Variants in DCST2 observed in about 807,000 individuals in gnomAD.
DCST2 encodes the protein DC-STAMP domain-containing protein 2.
DCST2 carries 64 observed loss-of-function variants against 81.8 expected under a neutral mutation model. That is an observed-to-expected ratio of 0.78 (90% CI 0.64 to 0.96). DCST2 has a LOEUF of 0.96. Ranked by LOEUF, DCST2 falls within the 40% of genes least tolerant of loss-of-function variation. The pLI is 0.00. For missense variants in DCST2, 945 were observed against 1,001.4 expected, an observed-to-expected ratio of 0.94 and a Z score of 0.76; for synonymous variants, 354 against 402.6, an observed-to-expected ratio of 0.88 and a Z score of 1.44.
At chr1:155,019,851 A>G (rs910862724) in intron 14 of DCST2, among the ~76,000 whole-genome samples, 5 of 152,220 alleles carry the variant, frequency 3.3e-5, no homozygotes, top group Non-Finnish European at 7.3e-5. Flanking sequence ...GCTACCTGGA[A>G]ATCCCTTAAC....
intron 14 of DCST2, 84 bp downstream of exon 14, chr1:155,023,033 G>C: frequency 7.2e-6 from 11 of 1,531,762 alleles, no homozygotes; most frequent in Non-Finnish European, 9.6e-6. Context: ...CAAAGGTCCA[G>C]ACACCCAGGA....
Position 155,029,416 on chromosome 1 carries a change from G to C in DCST2, c.1178-19C>G. The C allele has an allele frequency of 6.2e-7, 1 of 1,611,130 alleles. No individual in the cohort carries two copies. The highest frequency in any genetic ancestry group is 8.5e-7 in the Non-Finnish European group (1 of 1,178,288). On this transcript the variant is annotated intron_variant, in intron 7 of 14. Coordinates refer to ENST00000368424, the MANE Select transcript of DCST2 (RefSeq NM_144622.3). ...ATGGAGCCTGAGCAGGAGTGGGATG[G>C]TCAGGAGGATGCTCCCCAGTTCTCC...
chr1:155,029,532 G>T, intron 7 of DCST2, 135 bp from the exon 8 acceptor site: 1 of 882,606 alleles, frequency 1.1e-6, no homozygotes, highest in Non-Finnish European at 1.7e-6. Flanking sequence ...AAGAAAAGAA[G>T]CTGTGAGGAC....
chr1:155,022,301 T>C, intron 14 of DCST2, among the ~76,000 whole-genome samples: 1 of 152,194 alleles, frequency 6.6e-6, no homozygotes, highest in East Asian at 1.9e-4. Flanking sequence ...CTGAGGTCTC[T>C]ACCCAGCCAC....
chr1:155,026,363 C>T lies in DCST2; in HGVS notation c.1550G>A (p.Gly517Asp). The T allele has an allele frequency of 5.0e-6, 8 of 1,613,876 alleles. No homozygotes were observed. The highest frequency in any genetic ancestry group is 6.8e-6 in the Non-Finnish European group (8 of 1,180,026). The change falls in exon 10 of 15, where the codon GGC (glycine) becomes GAC (aspartate). Residue 517 changes from glycine to aspartate, a missense_variant. Transcript: ENST00000368424. ...YGLCFFITLF[G>D]SYVSRLRRVI... ...TCGCCGCAGCCGGCTGACATAGCTG[C>T]CAAACAGGGTGATGAAGAAGCATAG... is the stretch of plus-strand genomic sequence containing the variant.
intron 5 of DCST2, 50 bp from the exon 6 acceptor site, chr1:155,030,695 G>T: frequency 1.3e-6 from 2 of 1,599,426 alleles, no homozygotes; most frequent in South Asian, 1.1e-5. Flanking sequence ...GTTAGGAGAG[G>T]GTGGAGCTGC....
At chr1:155,021,280 C>T (rs1221209115) in intron 14 of DCST2, among the ~76,000 whole-genome samples, 5 of 151,330 alleles carry the variant, frequency 3.3e-5, no homozygotes, top group South Asian at 2.1e-4. Context: ...GGATTACAGG[C>T]GTGAGCCACC....
chr1:155,022,244 G>A (rs891410040), intron 14 of DCST2, among the ~76,000 whole-genome samples: 2 of 152,064 alleles, frequency 1.3e-5, no homozygotes, highest in Non-Finnish European at 2.9e-5. Context: ...TAAGGTTCTT[G>A]CCCATCTCTT....
In DCST2 at chr1:155,030,152, C is replaced by A. The variant is rs201083456; in HGVS notation, c.1109G>T (p.Arg370Leu). The A allele has an allele frequency of 2.5e-6, 4 of 1,614,154 alleles. No individual in the cohort carries two copies. Among genetic ancestry groups the A allele is most frequent in the Non-Finnish European group, 2.5e-6 (3 of 1,180,030 alleles). ...CACTGTGGGCAGCCCTGCCGTGGAGCGCACAGCCTCCATGCGCAGGAATCG... is the reference window on the plus strand; with the variant it reads ...CACTGTGGGCAGCCCTGCCGTGGAGAGCACAGCCTCCATGCGCAGGAATCG... ...TSRFLRMEAV[R>L]STAGLPTVLP... The change falls in exon 7 of 15, where the codon CGC (arginine) becomes CTC (leucine). Residue 370 changes from arginine to leucine, a missense_variant. By Grantham distance (102) the Arg-to-Leu change is moderately radical. Coordinates refer to ENST00000368424, the MANE Select transcript of DCST2 (RefSeq NM_144622.3).
At chr1:155,023,498 C>T (rs777459645) in intron 12 of DCST2, 41 bp from the exon 13 acceptor site, 1 of 1,555,146 alleles carries the variant, frequency 6.4e-7, no homozygotes, top group South Asian at 1.2e-5. Flanking sequence ...CCCGAGTTCA[C>T]CCACCCACCC....
Position 155,032,264 on chromosome 1 carries a change from T to C in DCST2, c.541+403A>G, listed in dbSNP as rs866695400. ...GCCTCAGCCTCCCAAAGTGCTGGGA[T>C]TACAGGTGTGAGCCACCGCACCTGG... is the stretch of plus-strand genomic sequence containing the variant. On this transcript the variant is annotated intron_variant, in intron 3 of 14. Transcript: ENST00000368424. Among the ~76,000 whole-genome samples, 170 of 151,960 alleles carry C rather than the reference T, an allele frequency of 1.1e-3. 1 individual carries two copies. Among genetic ancestry groups the C allele is most frequent in the African/African-American group, 3.9e-3 (162 of 41,430 alleles).
At chr1:155,029,798 G>A (rs1399838603) in intron 7 of DCST2, among the ~76,000 whole-genome samples, 1 of 152,204 alleles carries the variant, frequency 6.6e-6, no homozygotes, top group Non-Finnish European at 1.5e-5. Context: ...CTGCTGTCCT[G>A]ATGTCCAGGG....
rs182946676 is a variant in DCST2, at chr1:155,032,070, T to G, written c.542-299A>C. Among the ~76,000 whole-genome samples the G allele has an allele frequency of 3.5e-3, 526 of 152,292 alleles. 1 individual carries two copies. Among genetic ancestry groups the G allele is most frequent in the Non-Finnish European group, 5.9e-3 (398 of 68,004 alleles). ...GTGCAGTGGAGTGATCTCGGCTCATTGCAACCTCCGCCTCCTGGGTTCAAG... is the reference window on the plus strand; with the variant it reads ...GTGCAGTGGAGTGATCTCGGCTCATGGCAACCTCCGCCTCCTGGGTTCAAG... On this transcript the variant is annotated intron_variant, in intron 3 of 14. Coordinates refer to ENST00000368424, the MANE Select transcript of DCST2 (RefSeq NM_144622.3).
At chr1:155,026,060 A>AT (rs1659900831) in intron 10 of DCST2, among the ~76,000 whole-genome samples, 1 of 147,114 alleles carries the variant, frequency 6.8e-6, no homozygotes, top group Non-Finnish European at 1.5e-5. Flanking sequence ...CACCCCTGTG[A>AT]TTTTAACAAA....
intron 8 of DCST2, among the ~76,000 whole-genome samples, chr1:155,028,322 G>A (rs1659969919): frequency 6.6e-6 from 1 of 152,208 alleles, no homozygotes; most frequent in Admixed American, 6.5e-5. Context: ...CCAGGACAGT[G>A]GCTCACGCCT....
At chr1:155,027,842 CGTG>C (rs1659956682) in intron 8 of DCST2, among the ~76,000 whole-genome samples, 1 of 151,530 alleles carries the variant, frequency 6.6e-6, no homozygotes, top group Non-Finnish European at 1.5e-5. Context: ...GGATTACAGG[CGTG>C]AGCCACCGCA....
chr1:155,031,724 C>T lies in DCST2; in HGVS notation c.589G>A (p.Val197Met), dbSNP rs777951990. ...GGGTTGCCCAGTTCCGAGTTGCACA[C>T]ATCGCCGATGTGCAGGAGCCACTGC... The part of the protein sequence containing the change: ...VWQWLLHIGD[V>M]CNSELGNPYL... The change falls in exon 4 of 15, where the codon GTG becomes ATG. Residue 197 changes from valine to methionine, a missense_variant. By Grantham distance (21) the Val-to-Met change is conservative. Transcript: ENST00000368424. The T allele has an allele frequency of 1.9e-6, 3 of 1,614,010 alleles. No individual in the cohort carries two copies. Among genetic ancestry groups the T allele is most frequent in the Non-Finnish European group, 2.5e-6 (3 of 1,180,040 alleles).
chr1:155,024,064 C>T, intron 11 of DCST2, 105 bp from the exon 12 acceptor site: 2 of 1,449,182 alleles, frequency 1.4e-6, no homozygotes, highest in Non-Finnish European at 1.9e-6. Context: ...TGACTTCCTG[C>T]AGTACATCCT....
intron 11 of DCST2, 106 bp downstream of exon 11, chr1:155,024,366 T>C: frequency 7.0e-7 from 1 of 1,438,516 alleles, no homozygotes; most frequent in African/African-American, 1.4e-5. Flanking sequence ...GGCATTCTCT[T>C]CAACCAAATC....
Sources: allele counts gnomAD v4.1 joint callset (sites outside exome capture counted in the v4.1 genomes callset), GRCh38; gene constraint gnomAD v4.1.1; transcripts MANE v1.5; gene names NCBI Gene and HGNC (gene_info 2026-07-23, HGNC 2026-07-21).